The following EFR3B variants were observed in gnomAD, a reference collection of about 807,000 sequenced individuals.
EFR3B encodes protein EFR3 homolog B.
In EFR3B, 64 loss-of-function variants were observed where a neutral mutation model predicts 104.7. That is an observed-to-expected ratio of 0.61 (90% CI 0.50 to 0.75). EFR3B has a LOEUF of 0.75. Among genes scored for constraint, EFR3B ranks in the 30% least tolerant of loss-of-function variants. The probability of loss-of-function intolerance (pLI) is 0.00; values close to 1 mark genes in which losing one functional copy is unlikely to be tolerated. For synonymous variants in EFR3B, 385 were observed against 417.9 expected (o/e 0.92, Z 0.96); for missense variants, 750 against 1,078.5 (o/e 0.70, Z 4.27).
intron 1 of EFR3B, among the ~76,000 whole-genome samples, chr2:25,087,101 G>A (rs1343612586): frequency 2.6e-5 from 4 of 152,044 alleles, no homozygotes; most frequent in African/African-American, 7.3e-5. Context: ...ATATGGCGGC[G>A]GCGAGGAGAA....
At chr2:25,068,036 C>G (rs1369338808) in intron 1 of EFR3B, among the ~76,000 whole-genome samples, 1 of 152,014 alleles carries the variant, frequency 6.6e-6, no homozygotes, top group Non-Finnish European at 1.5e-5. Context: ...GGCACCAGAT[C>G]CATCTCTTAC....
intron 4 of EFR3B, among the ~76,000 whole-genome samples, chr2:25,117,692 A>C (rs1669900707): frequency 1.3e-5 from 2 of 151,822 alleles, no homozygotes; most frequent in Non-Finnish European, 2.9e-5. Context: ...GATTACAGGC[A>C]TGAGCCACCG....
intron 1 of EFR3B, among the ~76,000 whole-genome samples, chr2:25,087,590 A>G (rs1256307923): frequency 6.6e-6 from 1 of 151,200 alleles, no homozygotes; most frequent in Non-Finnish European, 1.5e-5. Flanking sequence ...CTCCTGCCTC[A>G]GCCTCCCAAG....
chr2:25,139,586 T>C (rs1013646411), intron 16 of EFR3B, among the ~76,000 whole-genome samples: 4 of 151,238 alleles, frequency 2.6e-5, no homozygotes, highest in Non-Finnish European at 4.4e-5. Context: ...AAAAGTGACC[T>C]CAGATCATGC....
Position 25,042,534 on chromosome 2 carries a change from G to T in EFR3B, c.7+215G>T. ...GACCCTGGGGTCCTCTCCAGGCCCG[G>T]CGCGTGCCGGTGCTGGGCGGTGGTC... is the stretch of plus-strand genomic sequence containing the variant. On this transcript the variant is annotated intron_variant, in intron 1 of 22. Transcript: ENST00000403714. This position sits in a 1 kb window ranked among gnomAD's most constrained non-coding sequence, Gnocchi z 5.4. The T allele has an allele frequency of 8.3e-7, 1 of 1,207,836 alleles. No homozygotes were observed. The highest frequency in any genetic ancestry group is 4.4e-5 in the Admixed American group (1 of 22,906). 74.8% of individuals were successfully genotyped at this position (1,207,836 alleles called of 1,614,324 possible). A position where few individuals can be genotyped will look rare whatever the true frequency, so the allele number is the denominator to read the frequency against.
At position 25,131,809 on chromosome 2, in the gene EFR3B, T is replaced by C; in HGVS notation, c.1045T>C (p.Tyr349His). The change falls in exon 10 of 23, where the codon TAC (tyrosine) becomes CAC (histidine). Residue 349 changes from tyrosine to histidine, a missense_variant. Coordinates refer to ENST00000403714, the MANE Select transcript of EFR3B (RefSeq NM_014971.2). The surrounding 1 kb of genome is among the most constrained non-coding windows in gnomAD (Gnocchi z 7.6). ...GAGGCAGCTGCGGCTCAGCATCGAC[T>C]ACGCGCTGACCGGGAGCTACGACGG... The part of the protein sequence containing the change: ...LLRQLRLSID[Y>H]ALTGSYDGAV... The C allele has an allele frequency of 1.3e-6, 2 of 1,549,374 alleles. No homozygotes were observed. Among genetic ancestry groups the C allele is most frequent in the Non-Finnish European group, 8.7e-7 (1 of 1,146,316 alleles).
chr2:25,127,145 T>A, intron 5 of EFR3B, among the ~76,000 whole-genome samples: 1 of 126,452 alleles, frequency 7.9e-6, no homozygotes, highest in African/African-American at 3.2e-5. Context: ...TAAGCCAAGA[T>A]CGCACCATTG....
chr2:25,126,715 C>T (rs1043697670), intron 5 of EFR3B, among the ~76,000 whole-genome samples: 4 of 151,642 alleles, frequency 2.6e-5, no homozygotes, highest in Admixed American at 6.6e-5. Context: ...AGGCTGGTCT[C>T]GAACTCCTGA....
Position 25,084,041 on chromosome 2 carries a change from TTTTGGGGTTCAGATTCTAGTCTGCCA to T in EFR3B, c.8-7264_8-7239del, listed in dbSNP as rs548985362. Among the ~76,000 whole-genome samples the T allele has an allele frequency of 4.5e-3, 679 of 152,146 alleles. 5 individuals carry two copies. The highest frequency in any genetic ancestry group is 0.017 in the Middle Eastern group (5 of 294). On this transcript the variant is annotated intron_variant, in intron 1 of 22. Coordinates refer to ENST00000403714, the MANE Select transcript of EFR3B (RefSeq NM_014971.2). ...CAGAACATGGACTCTGAAAGTAGAT[TTTTGGGGTTCAGATTCTAGTCTGCCA>T]TTTGGGGTTCAGATTCTAGCTGTGT...
intron 4 of EFR3B, among the ~76,000 whole-genome samples, chr2:25,107,776 G>A (rs1669605561): frequency 6.6e-6 from 1 of 150,948 alleles, no homozygotes; most frequent in East Asian, 1.9e-4. Flanking sequence ...TACAGTACAT[G>A]CAGTAAAGTA....
chr2:25,115,793 C>T (rs1400697861), intron 4 of EFR3B, among the ~76,000 whole-genome samples: 1 of 152,182 alleles, frequency 6.6e-6, no homozygotes, highest in African/African-American at 2.4e-5. Context: ...CTAACACTGA[C>T]GTGTTAAGCA....
In EFR3B at chr2:25,042,294, A is replaced by G; in HGVS notation, c.-19A>G. 2.3e-6 allele frequency: 3 copies of G among 1,292,228 alleles called. No individual in the cohort carries two copies. In the South Asian group the frequency reaches 6.9e-5, roughly 30 times the overall value. 80.0% of individuals were successfully genotyped at this position (1,292,228 alleles called of 1,614,324 possible). A position where few individuals can be genotyped will look rare whatever the true frequency, so the allele number is the denominator to read the frequency against. On this transcript the variant is annotated 5_prime_UTR_variant, in exon 1 of 23. Coordinates refer to ENST00000403714, the MANE Select transcript of EFR3B (RefSeq NM_014971.2). This position sits in a 1 kb window ranked among gnomAD's most constrained non-coding sequence, Gnocchi z 5.4. ...GCCGCAGCGACGCCGGCCTCTCGAGAGGCGCGCGCCCCGCCGAGATGTACG... is the reference window on the plus strand; with the variant it reads ...GCCGCAGCGACGCCGGCCTCTCGAGGGGCGCGCGCCCCGCCGAGATGTACG...
rs1427362459 is a variant in EFR3B at position 25,137,483 on chromosome 2, G to A, written c.1703G>A (p.Arg568His). ...ANEEVVVDLI[R>H]LVLAVQDVAQ... ...GAGGAGGTGGTGGTGGACCTCATCC[G>A]TCTGGTGCTGGCTGTTCAGGTGGGG... Residue 568 changes from arginine (R) to histidine (H), a missense_variant, in exon 15 of 23, where the codon CGT (arginine) becomes CAT (histidine). Arg to His is a conservative substitution (Grantham distance 29, BLOSUM62 0). Coordinates refer to ENST00000403714, the MANE Select transcript of EFR3B (RefSeq NM_014971.2). This position sits in a 1 kb window ranked among gnomAD's most constrained non-coding sequence, Gnocchi z 4.7. 5.8e-6 allele frequency: 9 copies of A among 1,551,722 alleles called. 1 individual carries two copies. The highest frequency in any genetic ancestry group is 7.8e-6 in the Non-Finnish European group (9 of 1,147,000).
chr2:25,082,690 C>A, intron 1 of EFR3B, among the ~76,000 whole-genome samples: 1 of 152,226 alleles, frequency 6.6e-6, no homozygotes, highest in East Asian at 1.9e-4. Context: ...CCTGCCACCA[C>A]CACCCATGGG....
chr2:25,070,972 C>T (rs1209605129), intron 1 of EFR3B, among the ~76,000 whole-genome samples: 1 of 152,164 alleles, frequency 6.6e-6, no homozygotes, highest in Admixed American at 6.5e-5. Context: ...CTTTTCTTTT[C>T]TTTTTTGAGA....
chr2:25,084,722 G>A (rs1405970379), intron 1 of EFR3B, among the ~76,000 whole-genome samples: 1 of 152,200 alleles, frequency 6.6e-6, no homozygotes, highest in Admixed American at 6.5e-5. Context: ...CCAGAAAGGT[G>A]GGACAACTTG....
chr2:25,099,781 C>A (rs1669380567), intron 3 of EFR3B, among the ~76,000 whole-genome samples: 2 of 150,888 alleles, frequency 1.3e-5, no homozygotes, highest in Non-Finnish European at 2.9e-5. Context: ...CAGGAGGTAT[C>A]ATGGAGCCTT....
At chr2:25,052,693 C>T (rs796275732) in intron 1 of EFR3B, among the ~76,000 whole-genome samples, 17 of 151,846 alleles carry the variant, frequency 1.1e-4, no homozygotes, top group African/African-American at 3.1e-4. Flanking sequence ...TTAGTCGAGA[C>T]GGGGTTTAAC....
chr2:25,097,686 A>G (rs1669318669), intron 3 of EFR3B, among the ~76,000 whole-genome samples: 1 of 152,182 alleles, frequency 6.6e-6, no homozygotes, highest in Non-Finnish European at 1.5e-5. Context: ...ATGCAATATG[A>G]TGGGCAGTGA....
Sources: gnomAD v4.1 joint callset for allele counts (sites outside exome capture counted in the v4.1 genomes callset) on GRCh38, gnomAD v4.1.1 for gene constraint, Gnocchi (gnomAD v3.1) non-coding constraint, MANE v1.5 for transcripts, NCBI Gene and HGNC (gene_info 2026-07-23, HGNC 2026-07-21) for gene names.